The following KMT2C variants were observed in gnomAD, a reference collection of about 807,000 sequenced individuals.
The protein encoded by KMT2C is histone-lysine N-methyltransferase 2C.
In KMT2C, 88 loss-of-function variants were observed where a neutral mutation model predicts 507.9. The ratio of observed to expected loss-of-function variants is 0.17; its 90% confidence interval spans 0.15 to 0.21. KMT2C has a LOEUF of 0.21. Ranked by LOEUF, KMT2C falls within the 10% of genes least tolerant of loss-of-function variation. KMT2C has a pLI of 1.00. For synonymous variants in KMT2C, 2,049 were observed against 2,080.8 expected (o/e 0.98, Z 0.42); for missense variants, 4,954 against 5,957.8 (o/e 0.83, Z 5.55).
In KMT2C at chr7:152,137,070, TG is replaced by T. The variant is rs1394278810; in HGVS notation, c.14644-147del. 15 of 634,304 alleles carry T rather than the reference TG, an allele frequency of 2.4e-5. No homozygotes were observed. The African/African-American group carries it at 2.4e-4, about 10-fold the overall frequency. The allele number at this position is 634,304 out of a possible 1,614,324, so 39.3% of individuals were successfully genotyped here. ...GATTTATTGAGGTTCCATGGGACCC[TG>T]GGGGAACCCTGAAAAGAGGCATTGT... On this transcript the variant is annotated intron_variant, in intron 58 of 58. Coordinates refer to ENST00000262189, the MANE Select transcript of KMT2C (RefSeq NM_170606.3).
rs202017119 is a variant in KMT2C at position 152,138,924 on chromosome 7, A to G, written c.14535-20T>C. The stretch of plus-strand genomic sequence containing the variant: ...ATATACCTGCAAGCCACCATGTCAG[A>G]AAACTGTATTGTAAAACAGCTAGAA... On this transcript the variant is annotated intron_variant, in intron 57 of 58. Transcript: ENST00000262189. This position sits in a 1 kb window ranked among gnomAD's most constrained non-coding sequence, Gnocchi z 4.2. The G allele has an allele frequency of 2.6e-6, 4 of 1,564,830 alleles. No homozygotes were observed. The African/African-American group carries it at 4.1e-5, about 16-fold the overall frequency.
intron 36 of KMT2C, 126 bp downstream of exon 36, chr7:152,180,585 G>T: frequency 1.4e-6 from 1 of 705,638 alleles, no homozygotes; most frequent in East Asian, 2.8e-5. Flanking sequence ...CTTTTTTGCA[G>T]TATGACAAAC....
chr7:152,280,112 G>T (rs113953177), intron 6 of KMT2C, among the ~76,000 whole-genome samples: 1 of 140,652 alleles, frequency 7.1e-6, no homozygotes, highest in African/African-American at 2.7e-5. Flanking sequence ...TCTCCAGCTA[G>T]TAGCAAAAGG....
intron 23 of KMT2C, among the ~76,000 whole-genome samples, chr7:152,208,711 T>C (rs1473029207): frequency 6.6e-6 from 1 of 152,244 alleles, no homozygotes; most frequent in Admixed American, 6.5e-5. Context: ...TAAAATCAAG[T>C]TGTTAACTCC....
chr7:152,354,762 G>A (rs925176015), intron 2 of KMT2C, among the ~76,000 whole-genome samples: 7 of 152,190 alleles, frequency 4.6e-5, no homozygotes, highest in Admixed American at 2.0e-4. Context: ...CAGTAAGGAT[G>A]GAGCCCAGTG....
Position 152,248,477 on chromosome 7 carries a change from T to A in KMT2C, c.1957A>T (p.Ile653Phe), listed in dbSNP as rs2129164435. 1 of 1,614,114 alleles carries A rather than the reference T, an allele frequency of 6.2e-7. No individual in the cohort carries two copies. The highest frequency in any genetic ancestry group is 8.5e-7 in the Non-Finnish European group (1 of 1,180,004). ...GTGATCTGGTGTGTAACGACTTCAATGTTTTCTGTCACTTCCATTTTATCT... is the reference window on the plus strand; with the variant it reads ...GTGATCTGGTGTGTAACGACTTCAAAGTTTTCTGTCACTTCCATTTTATCT... ...IEDKMEVTEN[I>F]EVVTHQITVQ... The change falls in exon 14 of 59, where the codon ATT (isoleucine) becomes TTT (phenylalanine). Residue 653 changes from isoleucine to phenylalanine, a missense_variant. Ile to Phe is a conservative substitution (Grantham distance 21). Transcript: ENST00000262189.
At chr7:152,378,022 A>G (rs144288641) in intron 1 of KMT2C, among the ~76,000 whole-genome samples, 71 of 152,340 alleles carry the variant, frequency 4.7e-4, no homozygotes, top group African/African-American at 1.6e-3. Context: ...CTGCAATCTC[A>G]TGATAAAACT....
At chr7:152,203,647 A>C (rs2094210762) in intron 25 of KMT2C, among the ~76,000 whole-genome samples, 1 of 152,196 alleles carries the variant, frequency 6.6e-6, no homozygotes, top group Non-Finnish European at 1.5e-5. Flanking sequence ...TAGCAAAGAA[A>C]CAAGAACACA....
Position 152,310,083 on chromosome 7 carries a change from G to T in KMT2C, c.740-8C>A. 1.3e-6 allele frequency: 2 copies of T among 1,578,126 alleles called. No individual in the cohort carries two copies. The highest frequency in any genetic ancestry group is 1.7e-6 in the Non-Finnish European group (2 of 1,156,128). ...GATGAGCCCAACAAGTGCCTAAAATGGGAAAAATGAAAAGGAGCAAATGAG... is the reference window on the plus strand; with the variant it reads ...GATGAGCCCAACAAGTGCCTAAAATTGGAAAAATGAAAAGGAGCAAATGAG... On this transcript the variant is annotated splice_polypyrimidine_tract_variant and splice_region_variant and intron_variant, in intron 5 of 58. Coordinates refer to ENST00000262189, the MANE Select transcript of KMT2C (RefSeq NM_170606.3).
At chr7:152,350,520 G>A (rs913389291) in intron 2 of KMT2C, among the ~76,000 whole-genome samples, 30 of 152,262 alleles carry the variant, frequency 2.0e-4, no homozygotes, top group Middle Eastern at 3.4e-3. Context: ...GTTACTGTAC[G>A]CAACTATAAC....
In KMT2C at chr7:152,162,937, G is replaced by A. The variant is rs1342484276; in HGVS notation, c.10640C>T (p.Ser3547Phe). The A allele has an allele frequency of 4.3e-6, 7 of 1,614,062 alleles. No individual in the cohort carries two copies. The highest frequency in any genetic ancestry group is 5.9e-6 in the Non-Finnish European group (7 of 1,180,038). Residue 3547 changes from serine (S) to phenylalanine (F), a missense_variant, in exon 43 of 59, where the codon TCC becomes TTC. By Grantham distance (155) the Ser-to-Phe change is radical (BLOSUM62 -2). This residue lies in a region of KMT2C where 801 missense variants were observed against 751.2 expected (regional missense o/e 1.07). Transcript: ENST00000262189. ...AGGTGTAAAAGAAGGCCTCACTGGG[G>A]ACTGCTGGAAGCTGGTCCCAGAAAG... Reference protein sequence around the residue: ...GNLSGTSFQQSPVRPSFTPAL... With the variant: ...GNLSGTSFQQFPVRPSFTPAL...
rs925038756 is a variant in KMT2C, at chr7:152,174,570, A to G, written c.9263-328T>C. ...TTCTTTAGTAAATATAACATCACAA[A>G]TAAGAATTTGCAATACTAAGGAATT... On this transcript the variant is annotated intron_variant, in intron 38 of 58. Transcript: ENST00000262189. Among the ~76,000 whole-genome samples the G allele has an allele frequency of 3.3e-5, 5 of 152,218 alleles. 1 individual carries two copies. Among genetic ancestry groups the G allele is most frequent in the African/African-American group, 7.2e-5 (3 of 41,450 alleles).
chr7:152,182,550 T>A lies in KMT2C; in HGVS notation c.5310A>T (p.Thr1770=), dbSNP rs2129121151. The A allele has an allele frequency of 3.7e-6, 6 of 1,601,586 alleles. No homozygotes were observed. The highest frequency in any genetic ancestry group is 5.1e-6 in the Non-Finnish European group (6 of 1,174,862). Residue 1770 remains threonine (T), a synonymous_variant, in exon 36 of 59, where the codon ACA becomes ACT. Coordinates refer to ENST00000262189, the MANE Select transcript of KMT2C (RefSeq NM_170606.3). ...CATTTTTCACCTGTTCAAGTTTCTG[T>A]GTGGCTTCAATTTTAGCTTGCTGCT... ...KSKQQAKIEA[T]QKLEQVKNEQ... is the part of the protein sequence containing the mutation.
rs558807560 is a variant in KMT2C, at chr7:152,324,361, A to T, written c.389+6240T>A. On this transcript the variant is annotated intron_variant, in intron 3 of 58. Coordinates refer to ENST00000262189, the MANE Select transcript of KMT2C (RefSeq NM_170606.3). ...AAATGAGAGTTAATCAAGGTAATGGATGTTAATTTACTTGATTCAATCATT... is the reference window on the plus strand; with the variant it reads ...AAATGAGAGTTAATCAAGGTAATGGTTGTTAATTTACTTGATTCAATCATT... 1.3e-4 allele frequency among the ~76,000 whole-genome samples: 20 copies of T among 151,804 alleles called. No homozygotes were observed. The East Asian group carries it at 3.9e-3, about 29-fold the overall frequency.
intron 6 of KMT2C, among the ~76,000 whole-genome samples, chr7:152,290,591 A>C (rs1000194433): frequency 1.3e-5 from 2 of 151,580 alleles, no homozygotes. Context: ...TACAGGCGTA[A>C]ACCACTGCGC....
At chr7:152,405,610 A>G (rs2097605991) in intron 1 of KMT2C, among the ~76,000 whole-genome samples, 4 of 152,096 alleles carry the variant, frequency 2.6e-5, no homozygotes, top group African/African-American at 9.7e-5. Flanking sequence ...TAATATAAAG[A>G]TTATTATTTT....
chr7:152,188,577 A>C (rs2093692814), intron 31 of KMT2C, among the ~76,000 whole-genome samples: 1 of 132,300 alleles, frequency 7.6e-6, no homozygotes, highest in South Asian at 2.2e-4. Flanking sequence ...CTTAATACCA[A>C]AAAAAAAAAA....
intron 13 of KMT2C, among the ~76,000 whole-genome samples, 191 bp downstream of exon 13, chr7:152,249,685 A>AC (rs1163374036): frequency 6.7e-6 from 1 of 150,334 alleles, no homozygotes; most frequent in African/African-American, 2.5e-5. Context: ...AAAAAAAAAA[A>AC]AAAAAAAAAA....
At chr7:152,282,687 G>C (rs1468486903) in intron 6 of KMT2C, among the ~76,000 whole-genome samples, 1 of 152,016 alleles carries the variant, frequency 6.6e-6, no homozygotes, top group Non-Finnish European at 1.5e-5. Context: ...GGGGAGTTAG[G>C]AATAGTAACC....
Sources: allele counts gnomAD v4.1 joint callset (sites outside exome capture counted in the v4.1 genomes callset), GRCh38; gene constraint gnomAD v4.1.1; regional missense constraint gnomAD v4.1.1; non-coding constraint Gnocchi (gnomAD v3.1); transcripts MANE v1.5; gene names NCBI Gene and HGNC (gene_info 2026-07-23, HGNC 2026-07-21).